Variants in ASAP1 observed in about 807,000 individuals in gnomAD.
ASAP1 encodes the protein arf-GAP with SH3 domain, ANK repeat and PH domain-containing protein 1.
ASAP1 carries 43 observed loss-of-function variants against 145.2 expected under a neutral mutation model. The ratio of observed to expected loss-of-function variants is 0.30; its 90% CI spans 0.23 to 0.38. The LOEUF (loss-of-function observed/expected upper bound fraction) is 0.38, where lower values mean the gene tolerates loss of function less well. Ranked by LOEUF, ASAP1 falls within the 10% of genes least tolerant of loss-of-function variation. The pLI is 1.00. For missense variants in ASAP1, 1,018 were observed against 1,355.3 expected (o/e 0.75, Z 3.91); for synonymous variants, 546 against 515.5 (o/e 1.06, Z -0.80).
At chr8:130,352,230 T>TTA (rs398009913) in intron 3 of ASAP1, among the ~76,000 whole-genome samples, 38 of 151,702 alleles carry the variant, frequency 2.5e-4, no homozygotes, top group African/African-American at 8.7e-4. Context: ...TTTTTTTTTT[T>TTA]AAGACTACAA....
chr8:130,274,539 A>G (rs1263608732), intron 3 of ASAP1, among the ~76,000 whole-genome samples: 1 of 152,242 alleles, frequency 6.6e-6, no homozygotes, highest in Admixed American at 6.5e-5. Flanking sequence ...GTAAGGGGAT[A>G]CTTAACCCCG....
chr8:130,340,788 A>G (rs762665634), intron 3 of ASAP1: 22 of 404,312 alleles, frequency 5.4e-5, no homozygotes, highest in Non-Finnish European at 1.1e-4. Context: ...TTAAGGATAA[A>G]ATTTACATAA....
At chr8:130,430,949 G>T (rs1309008696) in intron 1 of ASAP1, among the ~76,000 whole-genome samples, 1 of 152,174 alleles carries the variant, frequency 6.6e-6, no homozygotes, top group Non-Finnish European at 1.5e-5. Flanking sequence ...CGGAGAGAAG[G>T]GAGGACATAG....
At chr8:130,359,043 C>CGGGGCCCGGGCTTGCA (rs1826561746) in intron 2 of ASAP1, among the ~76,000 whole-genome samples, 1 of 152,162 alleles carries the variant, frequency 6.6e-6, no homozygotes, top group African/African-American at 2.4e-5. Context: ...GGCGGCCTCC[C>CGGGGCCCGGGCTTGCA]GGGGCCCGGG....
At chr8:130,353,878 G>C (rs1826146378) in intron 3 of ASAP1, among the ~76,000 whole-genome samples, 1 of 151,986 alleles carries the variant, frequency 6.6e-6, no homozygotes, top group African/African-American at 2.4e-5. Context: ...GTTTCACGGA[G>C]AGAAGGGAGT....
chr8:130,074,440 AACACACACACACACACACACAC>A (rs57005471), intron 27 of ASAP1, among the ~76,000 whole-genome samples: 4 of 119,234 alleles, frequency 3.4e-5, no homozygotes, highest in South Asian at 2.8e-4. Flanking sequence ...CCAAATAGTA[AACACACACACACACACACACAC>A]ACACACACAC....
chr8:130,286,654 AG>A (rs1429801207), intron 3 of ASAP1, among the ~76,000 whole-genome samples: 1 of 152,182 alleles, frequency 6.6e-6, no homozygotes, highest in Non-Finnish European at 1.5e-5. Flanking sequence ...CCTGGTGCAC[AG>A]GAAGTACCCA....
intron 2 of ASAP1, among the ~76,000 whole-genome samples, chr8:130,399,767 C>A (rs1223863515): frequency 8.6e-5 from 13 of 151,848 alleles, no homozygotes; most frequent in African/African-American, 2.9e-4. Flanking sequence ...TAAATATTAC[C>A]CCTTTTTCAT....
intron 5 of ASAP1, 132 bp from the exon 6 acceptor site, chr8:130,188,315 T>A: frequency 1.4e-6 from 1 of 694,876 alleles, no homozygotes. Flanking sequence ...ATTATTTCAT[T>A]GAACCTACAT....
At chr8:130,167,824 C>T (rs2097683062) in intron 10 of ASAP1, among the ~76,000 whole-genome samples, 1 of 152,172 alleles carries the variant, frequency 6.6e-6, no homozygotes, top group Non-Finnish European at 1.5e-5. Context: ...AATAATGCAA[C>T]ATGCATTCTT....
chr8:130,205,544 T>C (rs17210536), intron 5 of ASAP1, among the ~76,000 whole-genome samples: 20,823 of 149,974 alleles, frequency 0.14, 1,567 homozygotes, highest in South Asian at 0.3. Context: ...TGAAACAGTA[T>C]GCAGCCTGTT....
chr8:130,116,714 T>C lies in ASAP1; in HGVS notation c.2028A>G (p.Ile676Met), dbSNP rs1229021252. 6.2e-7 allele frequency: 1 copy of C among 1,614,036 alleles called. No homozygotes were observed. The highest frequency in any genetic ancestry group is 8.5e-7 in the Non-Finnish European group (1 of 1,180,002). ...ACTGGGTAGCTTTTAGTCTCTTTGC[T>C]ATGTCTAGGGCAGTTTCTCCAGCCT... Reference protein sequence around the residue: ...VNQAGETALDIAKRLKATQCE... With the variant: ...VNQAGETALDMAKRLKATQCE... Residue 676 changes from isoleucine to methionine, a missense_variant, in exon 22 of 30, where the codon ATA becomes ATG. Around this residue, in one of 9 missense-constraint regions of ASAP1, gnomAD observed 353 missense variants for 375.4 expected, o/e 0.94. Transcript: ENST00000518721.
chr8:130,245,693 C>T (rs1435427644), intron 3 of ASAP1, among the ~76,000 whole-genome samples: 1 of 152,124 alleles, frequency 6.6e-6, no homozygotes, highest in African/African-American at 2.4e-5. Flanking sequence ...CTATGTTAGG[C>T]CCAGAGTAGG....
intron 14 of ASAP1, among the ~76,000 whole-genome samples, chr8:130,135,386 G>A (rs1041231670): frequency 2.6e-5 from 4 of 152,144 alleles, no homozygotes; most frequent in African/African-American, 9.7e-5. Context: ...TACTTGGGAG[G>A]GTGAAGCAGG....
intron 3 of ASAP1, among the ~76,000 whole-genome samples, chr8:130,284,910 A>T (rs1821512549): frequency 6.6e-6 from 1 of 152,000 alleles, no homozygotes; most frequent in South Asian, 2.1e-4. Flanking sequence ...AAAGAGAGAG[A>T]GAGACAGAGA....
intron 25 of ASAP1, among the ~76,000 whole-genome samples, chr8:130,080,949 T>C (rs1000174917): frequency 6.6e-6 from 1 of 152,232 alleles, no homozygotes; most frequent in Non-Finnish European, 1.5e-5. Flanking sequence ...TAACATTTAT[T>C]AAGCATCTAC....
chr8:130,289,282 C>A (rs757061276), intron 3 of ASAP1, among the ~76,000 whole-genome samples: 37 of 152,132 alleles, frequency 2.4e-4, no homozygotes, highest in Middle Eastern at 6.8e-3. Context: ...AATAAGAAGG[C>A]GTCAGACTAA....
At chr8:130,076,897 G>GA (rs113088303) in intron 26 of ASAP1, among the ~76,000 whole-genome samples, 8,622 of 151,908 alleles carry the variant, frequency 0.057, 327 homozygotes, top group Middle Eastern at 0.086. Context: ...GTAAAAGGAT[G>GA]AAAAAAAAGT....
chr8:130,086,955 A>G (rs1770504155), intron 25 of ASAP1, among the ~76,000 whole-genome samples: 1 of 152,212 alleles, frequency 6.6e-6, no homozygotes, highest in African/African-American at 2.4e-5. Context: ...AACACTCAAC[A>G]TCAGCTGCCT....
Sources: allele counts gnomAD v4.1 joint callset (sites outside exome capture counted in the v4.1 genomes callset), GRCh38; gene constraint gnomAD v4.1.1; regional missense constraint gnomAD v4.1.1; transcripts MANE v1.5; gene names NCBI Gene and HGNC (gene_info 2026-07-23, HGNC 2026-07-21).